The following PSG6 variants were observed in gnomAD, a reference collection of about 807,000 sequenced individuals.
PSG6 encodes pregnancy-specific beta-1-glycoprotein 6.
PSG6 carries 51 observed loss-of-function variants against 43.3 expected under a neutral mutation model. That is an observed-to-expected ratio of 1.18 (90% confidence interval 0.94 to 1.49). The LOEUF is 1.49. PSG6 is among the 40% of genes most tolerant of loss of function. The pLI, the probability that PSG6 is intolerant of heterozygous loss-of-function variation, is 0.00. For missense variants in PSG6, 770 were observed against 522.2 expected, an observed-to-expected ratio of 1.47 and a Z score of -4.62; for synonymous variants, 292 against 197.6, an observed-to-expected ratio of 1.48 and a Z score of -4.01.
intron 5 of PSG6, among the ~76,000 whole-genome samples, chr19:42,904,508 A>G (rs1247779697): frequency 6.6e-6 from 1 of 151,726 alleles, no homozygotes; most frequent in Non-Finnish European, 1.5e-5. Context: ...GAACAATCTG[A>G]AGGGAAATTA....
chr19:42,911,505 G>C (rs4802143), intron 2 of PSG6, among the ~76,000 whole-genome samples: 41,501 of 151,250 alleles, frequency 0.27, 7,488 homozygotes, highest in East Asian at 0.49. Flanking sequence ...AGATAGAGCA[G>C]AGTCCAAGGA....
intron 2 of PSG6, among the ~76,000 whole-genome samples, chr19:42,914,902 A>G (rs10413886): frequency 0.18 from 27,156 of 151,298 alleles, 3,428 homozygotes; most frequent in East Asian, 0.42. Context: ...TCAGTGATGG[A>G]GGTTAAGATC....
At chr19:42,909,454 G>A (rs1248878481) in intron 3 of PSG6, among the ~76,000 whole-genome samples, 2 of 151,556 alleles carry the variant, frequency 1.3e-5, no homozygotes, top group African/African-American at 2.4e-5. Flanking sequence ...TGCAAAAAAT[G>A]TTACTGGGAT....
chr19:42,911,588 G>A (rs1404421006), intron 2 of PSG6, among the ~76,000 whole-genome samples: 3 of 151,686 alleles, frequency 2.0e-5, no homozygotes, highest in Non-Finnish European at 2.9e-5. Context: ...CCTGTTCTGG[G>A]TCCATGATGC....
chr19:42,907,258 C>G, intron 4 of PSG6, 82 bp from the exon 5 acceptor site: 11 of 1,544,312 alleles, frequency 7.1e-6, no homozygotes, highest in Non-Finnish European at 9.6e-6. Flanking sequence ...ACACAGTGAC[C>G]CTCTGAACCA....
intron 5 of PSG6, among the ~76,000 whole-genome samples, chr19:42,906,114 C>T (rs1321129035): frequency 2.6e-5 from 4 of 151,600 alleles, no homozygotes; most frequent in Non-Finnish European, 5.9e-5. Flanking sequence ...GGCACTGCCC[C>T]TTTCCTGCCA....
Position 42,902,123 on chromosome 19 carries a change from G to A in PSG6, c.*289C>T, listed in dbSNP as rs1440831392. 8 of 348,590 alleles carry A rather than the reference G, an allele frequency of 2.3e-5. No individual in the cohort carries two copies. Among genetic ancestry groups the A allele is most frequent in the Non-Finnish European group, 3.7e-5 (7 of 187,134 alleles). 21.6% of individuals were successfully genotyped at this position (348,590 alleles called of 1,614,324 possible). ...AATAACTTTATTACCATAAACCTATGAATACTCATGAATAGTTTCCCAATT... is the reference window on the plus strand; with the variant it reads ...AATAACTTTATTACCATAAACCTATAAATACTCATGAATAGTTTCCCAATT... On this transcript the variant is annotated 3_prime_UTR_variant, in exon 6 of 6. Transcript: ENST00000187910.
At chr19:42,909,889 A>C (rs1214865304) in intron 3 of PSG6, 2 of 160,458 alleles carry the variant, frequency 1.2e-5, no homozygotes, top group African/African-American at 4.8e-5. Context: ...ACTGGAAAAC[A>C]TGGTGCCAAT....
chr19:42,916,182 T>C lies in PSG6; in HGVS notation c.370A>G (p.Ile124Val), dbSNP rs370900198. Residue 124 changes from isoleucine to valine, a missense_variant, in exon 2 of 6, where the codon ATA becomes GTA. Physicochemically the swap from Ile to Val is conservative, Grantham distance 29. Transcript: ENST00000187910. ...CCTCCAGTCCCATCGCCTCGCTTTA[T>C]GATGTGTAAGGTGTAGGATCCTGCA... Reference protein sequence around the residue: ...EDAGSYTLHIIKRGDGTGGVT... With the variant: ...EDAGSYTLHIVKRGDGTGGVT... The C allele has an allele frequency of 5.6e-6, 9 of 1,612,060 alleles. No individual in the cohort carries two copies. In the African/African-American group the frequency reaches 9.4e-5, roughly 17 times the overall value.
rs1255856694 is a variant in PSG6, at chr19:42,916,318, G to A, written c.234C>T (p.Tyr78=). ...YKGQMTDLYH[Y]ITSYVVHGQI... ...GACCGTGTACTACATATGATGTAATGTAATGGTAGAGGTCCGTCATTTGCC... is the reference window on the plus strand; with the variant it reads ...GACCGTGTACTACATATGATGTAATATAATGGTAGAGGTCCGTCATTTGCC... The change falls in exon 2 of 6, where the codon TAC becomes TAT. Residue 78 remains tyrosine (Y), a synonymous_variant. Coordinates refer to ENST00000187910, the MANE Select transcript of PSG6 (RefSeq NM_001031850.4). 5.6e-6 allele frequency: 9 copies of A among 1,612,060 alleles called. 2 individuals are homozygous for A. The highest frequency in any genetic ancestry group is 3.3e-5 in the South Asian group (3 of 90,618).
rs951505910 is a variant in PSG6, at chr19:42,904,620, A to G, written c.1241-2174T>C. Among the ~76,000 whole-genome samples the G allele has an allele frequency of 2.2e-4, 34 of 151,742 alleles. 1 individual carries two copies. The highest frequency in any genetic ancestry group is 2.2e-3 in the Admixed American group (34 of 15,196). On this transcript the variant is annotated intron_variant, in intron 5 of 5. Transcript: ENST00000187910. ...TGATTATACCTGAAATCTACAAAGTATTGCTGAAAGAAATGAAAGATGACA... is the reference window on the plus strand; with the variant it reads ...TGATTATACCTGAAATCTACAAAGTGTTGCTGAAAGAAATGAAAGATGACA...
intron 1 of PSG6, 46 bp from the exon 2 acceptor site, chr19:42,916,533 G>A (rs757281527): frequency 1.3e-6 from 2 of 1,572,808 alleles, no homozygotes; most frequent in Admixed American, 3.6e-5. Context: ...CCTATGTATT[G>A]GGGTGAAAAG....
chr19:42,910,602 G>T lies in PSG6; in HGVS notation c.684C>A (p.Asp228Glu). 4 of 1,612,524 alleles carry T rather than the reference G, an allele frequency of 2.5e-6. No individual in the cohort carries two copies. Among genetic ancestry groups the T allele is most frequent in the South Asian group, 1.1e-5 (1 of 90,644 alleles). ...CACGGAGGAGATTCAGGGTGACTGG[G>T]TCACTGCGGCTGGCACTCACTGGGT... is the stretch of plus-strand genomic sequence containing the variant. Reference protein sequence around the residue: ...IRNPVSASRSDPVTLNLLPKL... With the variant: ...IRNPVSASRSEPVTLNLLPKL... The change falls in exon 3 of 6, where the codon GAC (aspartate) becomes GAA (glutamate). Residue 228 changes from aspartate to glutamate, a missense_variant. Coordinates refer to ENST00000187910, the MANE Select transcript of PSG6 (RefSeq NM_001031850.4).
At chr19:42,914,842 A>G (rs1972294993) in intron 2 of PSG6, among the ~76,000 whole-genome samples, 1 of 149,008 alleles carries the variant, frequency 6.7e-6, no homozygotes. Context: ...CCTCTCCTTG[A>G]TCCTCTCATG....
intron 5 of PSG6, chr19:42,906,688 A>G: frequency 6.9e-7 from 1 of 1,447,172 alleles, no homozygotes. Context: ...CAGGGCTGAT[A>G]AAGCCCCCTC....
At position 42,902,375 on chromosome 19, in the gene PSG6, C is replaced by T; in HGVS notation, c.*37G>A. On this transcript the variant is annotated 3_prime_UTR_variant, in exon 6 of 6. Coordinates refer to ENST00000187910, the MANE Select transcript of PSG6 (RefSeq NM_001031850.4). ...GTCTTGAATTTCATGAAGGTATCAA[C>T]CTGTTCTTTTTCTCAGTGTCTCTAT... 1 of 1,605,732 alleles carries T rather than the reference C, an allele frequency of 6.2e-7. No individual in the cohort carries two copies. The highest frequency in any genetic ancestry group is 8.5e-7 in the Non-Finnish European group (1 of 1,174,664).
At chr19:42,908,676 A>C (rs1600542654) in intron 3 of PSG6, among the ~76,000 whole-genome samples, 1 of 151,706 alleles carries the variant, frequency 6.6e-6, no homozygotes, top group African/African-American at 2.4e-5. Context: ...GCAAATGCAG[A>C]ACTGAGTGGT....
chr19:42,912,067 T>C (rs540820511), intron 2 of PSG6, among the ~76,000 whole-genome samples: 6 of 151,524 alleles, frequency 4.0e-5, no homozygotes, highest in African/African-American at 1.2e-4. Context: ...TTTTTTTTAT[T>C]TTGGAATATT....
chr19:42,907,538 C>T (rs774640978), intron 4 of PSG6, 38 bp downstream of exon 4: 2 of 1,608,596 alleles, frequency 1.2e-6, no homozygotes, highest in Non-Finnish European at 1.7e-6. Context: ...TGGAGTTAAG[C>T]TGGTGTCCTG....
Sources: allele counts gnomAD v4.1 joint callset (sites outside exome capture counted in the v4.1 genomes callset), GRCh38; gene constraint gnomAD v4.1.1; transcripts MANE v1.5; gene names NCBI Gene and HGNC (gene_info 2026-07-23, HGNC 2026-07-21).